Variants in PDE4D observed in about 807,000 individuals in gnomAD.
PDE4D encodes the protein 3',5'-cyclic-AMP phosphodiesterase 4D.
Under a neutral mutation model 87.4 loss-of-function variants are expected in PDE4D, and 24 were observed. The observed-to-expected ratio is 0.27, with a 90% CI of 0.20 to 0.39. PDE4D has a LOEUF of 0.39. Ranked by LOEUF, PDE4D falls within the 10% of genes least tolerant of loss-of-function variation. The probability of loss-of-function intolerance (pLI) is 1.00; values close to 1 mark genes in which losing one functional copy is unlikely to be tolerated. For synonymous variants in PDE4D, 384 were observed against 383.2 expected (o/e 1.00, Z -0.02); for missense variants, 714 against 1,041.0 (o/e 0.69, Z 4.32).
At chr5:59,298,461 T>C (rs1190013716) in intron 1 of PDE4D, among the ~76,000 whole-genome samples, 5 of 152,136 alleles carry the variant, frequency 3.3e-5, no homozygotes, top group African/African-American at 4.8e-5. Context: ...ATTCCAGGCC[T>C]CTCTTTTGGC....
rs532721404 is a variant in PDE4D, at chr5:60,026,491, G to T, written c.43-37774C>A. On this transcript the variant is annotated intron_variant, in intron 2 of 16. Coordinates refer to the PDE4D transcript ENST00000502484. ...TAATTAATTTGAGTCCTGAGAATGA[G>T]GAAACACCAAGACAAGAAAAAGTGT... Among the ~76,000 whole-genome samples the T allele has an allele frequency of 3.3e-5, 5 of 152,218 alleles. No individual in the cohort carries two copies. In the East Asian group the frequency reaches 9.7e-4, roughly 29 times the overall value.
intron 1 of PDE4D, among the ~76,000 whole-genome samples, chr5:59,350,413 T>C (rs890030852): frequency 2.6e-5 from 4 of 152,106 alleles, no homozygotes; most frequent in Non-Finnish European, 5.9e-5. Context: ...CCTGGGGCCT[T>C]TCAAGGTCTT....
At chr5:60,504,022 C>A (rs1750213971) in intron 1 of PDE4D, among the ~76,000 whole-genome samples, 1 of 151,952 alleles carries the variant, frequency 6.6e-6, no homozygotes, top group Admixed American at 6.6e-5. Context: ...TTTGAGTCAG[C>A]CAGGTAGAGT....
At chr5:58,994,610 T>C (rs1260144140) in intron 6 of PDE4D, among the ~76,000 whole-genome samples, 1 of 152,202 alleles carries the variant, frequency 6.6e-6, no homozygotes, top group Non-Finnish European at 1.5e-5. Context: ...ATGTATATTT[T>C]AGTGATGTTT....
chr5:59,470,415 T>A (rs764949843), intron 1 of PDE4D, among the ~76,000 whole-genome samples: 1 of 152,210 alleles, frequency 6.6e-6, no homozygotes, highest in African/African-American at 2.4e-5. Flanking sequence ...GTACTCCTAC[T>A]CATAGAGGGC....
At chr5:60,127,795 G>C (rs564464760) in intron 2 of PDE4D, 1 of 465,378 alleles carries the variant, frequency 2.1e-6, no homozygotes, top group Admixed American at 3.8e-5. Flanking sequence ...GAGTTCCAGA[G>C]GACAAATATG....
At chr5:59,486,695 T>C (rs943782465) in intron 1 of PDE4D, among the ~76,000 whole-genome samples, 6 of 152,198 alleles carry the variant, frequency 3.9e-5, no homozygotes, top group South Asian at 2.1e-4. Context: ...GGTTTAAAGA[T>C]GTACTCAGGT....
intron 1 of PDE4D, among the ~76,000 whole-genome samples, chr5:59,257,753 A>G (rs141239018): frequency 6.6e-6 from 1 of 152,058 alleles, no homozygotes; most frequent in Non-Finnish European, 1.5e-5. Flanking sequence ...TAGCAAGTCA[A>G]ACTCTTGGGA....
chr5:60,410,255 G>A (rs1561220979), intron 1 of PDE4D, among the ~76,000 whole-genome samples: 1 of 152,142 alleles, frequency 6.6e-6, no homozygotes, highest in African/African-American at 2.4e-5. Context: ...ATTGGTCTCT[G>A]TTCCTGAAGT....
chr5:60,309,548 A>G (rs1754817145), intron 1 of PDE4D, among the ~76,000 whole-genome samples: 1 of 152,196 alleles, frequency 6.6e-6, no homozygotes, highest in African/African-American at 2.4e-5. Flanking sequence ...GAATTCAGAA[A>G]CTAAATCATT....
At chr5:60,254,098 A>G (rs1467264046) in intron 1 of PDE4D, among the ~76,000 whole-genome samples, 1 of 151,948 alleles carries the variant, frequency 6.6e-6, no homozygotes, top group Non-Finnish European at 1.5e-5. Flanking sequence ...ACCAAAAGAT[A>G]ATGTAGCACT....
intron 1 of PDE4D, among the ~76,000 whole-genome samples, chr5:60,240,788 C>A (rs1747023194): frequency 6.6e-6 from 1 of 152,138 alleles, no homozygotes; most frequent in Non-Finnish European, 1.5e-5. Context: ...AAGGCAGTAC[C>A]TCTATGATTC....
rs578099218 is a variant in PDE4D, at chr5:59,802,556, G to A, written c.455+90612C>T. Among the ~76,000 whole-genome samples the A allele has an allele frequency of 1.1e-3, 162 of 151,886 alleles. 1 individual carries two copies. The highest frequency in any genetic ancestry group is 6.8e-3 in the Middle Eastern group (2 of 294). ...TGGGATTACAGGTGCAAACCACCAC[G>A]CTCAGCTAATTTTTGTATTTTTAGT... is the stretch of plus-strand genomic sequence containing the variant. On this transcript the variant is annotated intron_variant, in intron 1 of 14. Coordinates refer to ENST00000340635, the MANE Select transcript of PDE4D (RefSeq NM_001104631.2).
At chr5:59,711,399 TA>T (rs552501556) in intron 1 of PDE4D, among the ~76,000 whole-genome samples, 21 of 151,904 alleles carry the variant, frequency 1.4e-4, no homozygotes, top group Non-Finnish European at 1.9e-4. Flanking sequence ...CTAAAAAAAT[TA>T]AAAAAAATAA....
chr5:59,104,504 C>T (rs551615699), intron 5 of PDE4D, among the ~76,000 whole-genome samples: 1 of 152,278 alleles, frequency 6.6e-6, no homozygotes, highest in South Asian at 2.1e-4. Flanking sequence ...CTTACTGAAC[C>T]AGAATCTAAA....
chr5:59,692,749 A>T (rs897097986), intron 1 of PDE4D, among the ~76,000 whole-genome samples: 47 of 152,096 alleles, frequency 3.1e-4, no homozygotes, highest in Admixed American at 7.2e-4. Context: ...GTAGCATTTA[A>T]AGGTTCTGGC....
At chr5:59,439,123 C>A (rs763185415) in intron 1 of PDE4D, among the ~76,000 whole-genome samples, 1 of 152,072 alleles carries the variant, frequency 6.6e-6, no homozygotes, top group Non-Finnish European at 1.5e-5. Flanking sequence ...CTTTGGGAAG[C>A]CGACGTGGGT....
intron 1 of PDE4D, among the ~76,000 whole-genome samples, chr5:59,877,907 C>T (rs1448712051): frequency 6.6e-6 from 1 of 151,910 alleles, no homozygotes; most frequent in Non-Finnish European, 1.5e-5. Context: ...CACACAGCAC[C>T]ACTCCCCAAA....
At chr5:60,240,961 A>G (rs1169566595) in intron 1 of PDE4D, among the ~76,000 whole-genome samples, 1 of 152,148 alleles carries the variant, frequency 6.6e-6, no homozygotes, top group African/African-American at 2.4e-5. Flanking sequence ...TTCAATGTCC[A>G]GACACTGACA....
Sources: gnomAD v4.1 joint callset for allele counts (sites outside exome capture counted in the v4.1 genomes callset) on GRCh38, gnomAD v4.1.1 for gene constraint, MANE v1.5 for transcripts, NCBI Gene and HGNC (gene_info 2026-07-23, HGNC 2026-07-21) for gene names.